Variants in SCAPER observed in about 807,000 individuals in gnomAD.
The protein encoded by SCAPER is S phase cyclin A-associated protein in the endoplasmic reticulum.
SCAPER carries 98 observed loss-of-function variants against 182.2 expected under a neutral mutation model. The observed-to-expected ratio is 0.54, with a 90% CI of 0.46 to 0.64. SCAPER has a LOEUF of 0.64. Ranked by LOEUF, SCAPER falls within the 30% of genes least tolerant of loss-of-function variation. SCAPER has a pLI of 0.00. For synonymous variants in SCAPER, 605 were observed against 564.6 expected (o/e 1.07, Z -1.01); for missense variants, 1,432 against 1,690.0 (o/e 0.85, Z 2.68).
chr15:76,693,732 A>T (rs958302444), intron 20 of SCAPER, among the ~76,000 whole-genome samples: 1 of 152,188 alleles, frequency 6.6e-6, no homozygotes, highest in Non-Finnish European at 1.5e-5. Flanking sequence ...CACTAAGTGA[A>T]ATAAGCCAGT....
chr15:76,675,046 G>A (rs1348663936), intron 20 of SCAPER, among the ~76,000 whole-genome samples: 1 of 152,176 alleles, frequency 6.6e-6, no homozygotes, highest in East Asian at 1.9e-4. Flanking sequence ...CTTATGGAGA[G>A]CGGATGGAAT....
intron 2 of SCAPER, among the ~76,000 whole-genome samples, chr15:76,881,976 T>C (rs1426191525): frequency 6.6e-6 from 1 of 152,208 alleles, no homozygotes; most frequent in East Asian, 1.9e-4. Flanking sequence ...ATGAACACTG[T>C]TTTATAGTTT....
At chr15:76,557,333 A>C (rs750949879) in intron 23 of SCAPER, among the ~76,000 whole-genome samples, 1 of 152,226 alleles carries the variant, frequency 6.6e-6, no homozygotes, top group Non-Finnish European at 1.5e-5. Context: ...TAAGCTGGAG[A>C]TATCACATTG....
At chr15:76,630,883 T>G (rs942206228) in intron 21 of SCAPER, among the ~76,000 whole-genome samples, 2 of 152,168 alleles carry the variant, frequency 1.3e-5, no homozygotes, top group African/African-American at 4.8e-5. Context: ...CTGTCTGATA[T>G]TGACAGTGGA....
chr15:76,610,470 C>T (rs539745045), intron 22 of SCAPER, among the ~76,000 whole-genome samples: 1 of 152,138 alleles, frequency 6.6e-6, no homozygotes, highest in Non-Finnish European at 1.5e-5. Flanking sequence ...AAATAAAATG[C>T]ATCCAATTTG....
At chr15:76,860,080 T>A (rs1404658891) in intron 3 of SCAPER, among the ~76,000 whole-genome samples, 1 of 152,218 alleles carries the variant, frequency 6.6e-6, no homozygotes, top group East Asian at 1.9e-4. Context: ...TGGCCAATTA[T>A]TTATGTTCTT....
intron 23 of SCAPER, among the ~76,000 whole-genome samples, chr15:76,507,636 T>A (rs942769599): frequency 3.9e-5 from 6 of 152,210 alleles, no homozygotes; most frequent in Non-Finnish European, 4.4e-5. Context: ...CTCCAGCACA[T>A]GTCTAGAGTT....
chr15:76,478,746 G>A (rs1056179306), intron 24 of SCAPER, among the ~76,000 whole-genome samples: 2 of 151,862 alleles, frequency 1.3e-5, no homozygotes, highest in South Asian at 2.1e-4. Context: ...ATCTATCATC[G>A]TGTCTATTTC....
intron 8 of SCAPER, among the ~76,000 whole-genome samples, chr15:76,789,369 T>C (rs1450721628): frequency 6.6e-6 from 1 of 152,150 alleles, no homozygotes; most frequent in Non-Finnish European, 1.5e-5. Flanking sequence ...AGAAGCACTA[T>C]GCCTACTCAT....
chr15:76,800,230 T>C lies in SCAPER; in HGVS notation c.611+18A>G. 7.2e-7 allele frequency: 1 copy of C among 1,395,472 alleles called. No homozygotes were observed. Among genetic ancestry groups the C allele is most frequent in the Non-Finnish European group, 1.0e-6 (1 of 986,280 alleles). The allele number at this position is 1,395,472 out of a possible 1,614,324, so 86.4% of individuals were successfully genotyped here. ...AATTTAATGCAAGTCTTAGTAGTTT[T>C]TTCTTAGTTCATCTCACCCAAAATT... On this transcript the variant is annotated intron_variant, in intron 7 of 31. Coordinates refer to ENST00000563290, the MANE Select transcript of SCAPER (RefSeq NM_020843.4).
intron 21 of SCAPER, among the ~76,000 whole-genome samples, chr15:76,624,596 C>T (rs1291323739): frequency 6.6e-6 from 1 of 152,156 alleles, no homozygotes; most frequent in Non-Finnish European, 1.5e-5. Context: ...GTCACATATG[C>T]TGTTTTTCAG....
At chr15:76,472,634 C>T (rs769900633) in intron 24 of SCAPER, among the ~76,000 whole-genome samples, 2 of 152,026 alleles carry the variant, frequency 1.3e-5, no homozygotes, top group African/African-American at 4.8e-5. Flanking sequence ...TCAAAGTGAA[C>T]CACCATGCCT....
intron 4 of SCAPER, among the ~76,000 whole-genome samples, chr15:76,850,129 A>C (rs1390727924): frequency 6.6e-6 from 1 of 152,222 alleles, no homozygotes; most frequent in African/African-American, 2.4e-5. Context: ...TATCGCTAAC[A>C]TACCCATCCC....
chr15:76,453,811 C>A (rs2048536916), intron 25 of SCAPER, among the ~76,000 whole-genome samples: 1 of 152,084 alleles, frequency 6.6e-6, no homozygotes, highest in Non-Finnish European at 1.5e-5. Context: ...ATTTAATAAA[C>A]AAAATAAATA....
Position 76,598,951 on chromosome 15 carries a change from C to A in SCAPER, c.2711+22813G>T, listed in dbSNP as rs879732720. ...TTAAAGTATAATTAAAAAAAAAAAA[C>A]TTTTGCCAGGACCCAGTTTCTAGCG... On this transcript the variant is annotated intron_variant, in intron 22 of 31. Coordinates refer to ENST00000563290, the MANE Select transcript of SCAPER (RefSeq NM_020843.4). Among the ~76,000 whole-genome samples the A allele has an allele frequency of 7.7e-5, 9 of 116,312 alleles. 4 individuals carry two copies. Among genetic ancestry groups the A allele is most frequent in the Non-Finnish European group, 1.9e-4 (9 of 47,912 alleles). 76.3% of individuals were successfully genotyped at this position (116,312 alleles called of 152,430 possible).
At chr15:76,731,715 G>C (rs1218851569) in intron 16 of SCAPER, among the ~76,000 whole-genome samples, 1 of 152,168 alleles carries the variant, frequency 6.6e-6, no homozygotes, top group East Asian at 1.9e-4. Context: ...ATGTAGACAG[G>C]TTTAAAATCT....
intron 26 of SCAPER, among the ~76,000 whole-genome samples, chr15:76,432,871 T>A (rs2046959605): frequency 1.3e-5 from 2 of 152,252 alleles, no homozygotes. Flanking sequence ...TTGGGCTAAG[T>A]ACTTAACTTC....
chr15:76,879,040 C>G lies in SCAPER; in HGVS notation c.6+4772G>C, dbSNP rs372562839. Among the ~76,000 whole-genome samples, 21 of 152,278 alleles carry G rather than the reference C, an allele frequency of 1.4e-4. No individual in the cohort carries two copies. In the East Asian group the frequency reaches 1.5e-3, roughly 11 times the overall value. On this transcript the variant is annotated intron_variant, in intron 2 of 31. Coordinates refer to ENST00000563290, the MANE Select transcript of SCAPER (RefSeq NM_020843.4). ...TACCGACAGGAAATGAAACTGGTAG[C>G]CCCACTTTGGAAATCTGGTATTATC...
chr15:76,568,158 A>T (rs1447031343), intron 23 of SCAPER, among the ~76,000 whole-genome samples: 2 of 149,944 alleles, frequency 1.3e-5, no homozygotes, highest in Non-Finnish European at 2.9e-5. Flanking sequence ...CCATATGTGC[A>T]TAGACAAGTA....
Sources: allele counts gnomAD v4.1 joint callset (sites outside exome capture counted in the v4.1 genomes callset), GRCh38; gene constraint gnomAD v4.1.1; transcripts MANE v1.5; gene names NCBI Gene and HGNC (gene_info 2026-07-23, HGNC 2026-07-21).